MCC: variants seen among roughly 807,000 people sequenced by gnomAD.
MCC encodes the protein MCC regulator of Wnt signaling pathway.
A neutral mutation model predicts 116.2 loss-of-function variants in MCC; 90 were observed. That is an observed-to-expected ratio of 0.77 (90% CI 0.65 to 0.92). The LOEUF (loss-of-function observed/expected upper bound fraction) is 0.92, where lower values mean the gene tolerates loss of function less well. Ranked by LOEUF, MCC falls within the 40% of genes least tolerant of loss-of-function variation. The pLI, the probability that MCC is intolerant of heterozygous loss-of-function variation, is 0.00. For synonymous variants in MCC, 578 were observed against 510.5 expected (o/e 1.13, Z -1.78); for missense variants, 1,516 against 1,312.2 (o/e 1.16, Z -2.40).
chr5:113,294,583 G>T lies in MCC; in HGVS notation c.627+45936C>A, dbSNP rs973133598. ...AGAGCAGCCGTGGCTCGCGTTTCAC[G>T]GACGAGCCATTGCTGCAGGAGGCTC... On this transcript the variant is annotated intron_variant, in intron 3 of 18. Transcript: ENST00000408903. 4.8e-6 allele frequency: 6 copies of T among 1,255,292 alleles called. No individual in the cohort carries two copies. The East Asian group carries it at 1.3e-4, about 27-fold the overall frequency. 77.8% of individuals were successfully genotyped at this position (1,255,292 alleles called of 1,614,324 possible).
chr5:113,185,336 A>C (rs554745086), intron 3 of MCC, among the ~76,000 whole-genome samples: 27 of 152,262 alleles, frequency 1.8e-4, no homozygotes, highest in African/African-American at 4.8e-4. Flanking sequence ...ATGGACCTGA[A>C]AACTGCAAAC....
chr5:113,232,578 T>C (rs1763975804), intron 3 of MCC, among the ~76,000 whole-genome samples: 1 of 152,178 alleles, frequency 6.6e-6, no homozygotes, highest in Non-Finnish European at 1.5e-5. Context: ...ACATTAACTT[T>C]CAGATTCAGA....
chr5:113,420,363 A>G (rs183208172), intron 1 of MCC, among the ~76,000 whole-genome samples: 76 of 152,268 alleles, frequency 5.0e-4, no homozygotes, highest in Non-Finnish European at 1.5e-5. Context: ...CACTTGTAAA[A>G]ATTTCTGTTA....
At chr5:113,405,350 G>A (rs1769798414) in intron 1 of MCC, among the ~76,000 whole-genome samples, 1 of 152,212 alleles carries the variant, frequency 6.6e-6, no homozygotes, top group African/African-American at 2.4e-5. Flanking sequence ...TGTAATAAGA[G>A]CATCAGTATA....
chr5:113,275,461 TG>T (rs1426975802), intron 3 of MCC, among the ~76,000 whole-genome samples: 1 of 152,186 alleles, frequency 6.6e-6, no homozygotes, highest in African/African-American at 2.4e-5. Context: ...GTAGCAATTT[TG>T]GGCCAGAAAA....
intron 11 of MCC, among the ~76,000 whole-genome samples, chr5:113,082,273 C>G (rs1052308088): frequency 1.3e-5 from 2 of 152,230 alleles, no homozygotes; most frequent in Non-Finnish European, 2.9e-5. Flanking sequence ...CAAGACTGAG[C>G]ACATTTGCGA....
At chr5:113,482,804 C>T (rs1471539123) in intron 1 of MCC, among the ~76,000 whole-genome samples, 3 of 152,054 alleles carry the variant, frequency 2.0e-5, no homozygotes, top group African/African-American at 7.2e-5. Context: ...CTTTTGGTGT[C>T]ACATATAAGA....
chr5:113,441,228 A>G (rs910384262), intron 1 of MCC, among the ~76,000 whole-genome samples: 6 of 152,046 alleles, frequency 3.9e-5, no homozygotes, highest in Non-Finnish European at 5.9e-5. Context: ...CCAGCTACTC[A>G]GGAGGTTTAG....
chr5:113,409,502 C>G (rs935021222), intron 1 of MCC, among the ~76,000 whole-genome samples: 2 of 152,036 alleles, frequency 1.3e-5, no homozygotes, highest in African/African-American at 4.8e-5. Context: ...CACGTGTGCA[C>G]CAACACACCT....
chr5:113,052,126 A>AT (rs1239488642), intron 15 of MCC, among the ~76,000 whole-genome samples: 4 of 113,664 alleles, frequency 3.5e-5, no homozygotes, highest in Non-Finnish European at 8.3e-5. Flanking sequence ...GAGTATTAGA[A>AT]CTTTTATTCC....
intron 3 of MCC, among the ~76,000 whole-genome samples, chr5:113,187,669 G>C (rs1207182042): frequency 5.9e-5 from 9 of 151,374 alleles, no homozygotes; most frequent in Admixed American, 2.6e-4. Context: ...GCGAGAGAAT[G>C]GCGTGAACCC....
intron 1 of MCC, among the ~76,000 whole-genome samples, chr5:113,472,171 T>C (rs1382815940): frequency 6.6e-6 from 1 of 152,194 alleles, no homozygotes; most frequent in East Asian, 1.9e-4. Context: ...CTCACTGTCC[T>C]GCACCTACTG....
intron 3 of MCC, among the ~76,000 whole-genome samples, chr5:113,242,537 A>C (rs1308438329): frequency 6.7e-6 from 1 of 149,874 alleles, no homozygotes; most frequent in Non-Finnish European, 1.5e-5. Context: ...GTTAATTATT[A>C]GTTTTTTTTT....
rs116253840 is a variant in MCC, at chr5:113,086,939, G to C, written c.1399-1629C>G. Reference sequence around the variant, plus strand: ...ATGAAGCCCAAGATCTGCATGTCTAGTAAGCTCGCAAAAGATGCTGATGCT... The same window carrying C: ...ATGAAGCCCAAGATCTGCATGTCTACTAAGCTCGCAAAAGATGCTGATGCT... On this transcript the variant is annotated intron_variant, in intron 8 of 18. Transcript: ENST00000408903. 3.5e-3 allele frequency among the ~76,000 whole-genome samples: 539 copies of C among 152,324 alleles called. 4 individuals are homozygous for C. Among genetic ancestry groups the C allele is most frequent in the African/African-American group, 0.012 (517 of 41,556 alleles).
intron 3 of MCC, among the ~76,000 whole-genome samples, chr5:113,290,674 C>T (rs1227182896): frequency 1.3e-5 from 2 of 152,186 alleles, no homozygotes; most frequent in Non-Finnish European, 2.9e-5. Context: ...ATAGAGCTAA[C>T]TGCTGATCTA....
At chr5:113,136,536 T>C (rs1401399643) in intron 5 of MCC, among the ~76,000 whole-genome samples, 1 of 152,062 alleles carries the variant, frequency 6.6e-6, no homozygotes, top group Non-Finnish European at 1.5e-5. Context: ...TATTTATTTA[T>C]TTTTTACCTG....
At chr5:113,478,506 GC>G (rs1215077338) in intron 1 of MCC, among the ~76,000 whole-genome samples, 1 of 152,198 alleles carries the variant, frequency 6.6e-6, no homozygotes, top group Non-Finnish European at 1.5e-5. Flanking sequence ...CAAGGGAGTA[GC>G]CATTTACTGT....
intron 12 of MCC, among the ~76,000 whole-genome samples, chr5:113,068,474 T>C (rs1753782858): frequency 6.6e-6 from 1 of 152,202 alleles, no homozygotes; most frequent in Non-Finnish European, 1.5e-5. Context: ...GACCATGTGA[T>C]TCCCTTGTGG....
rs957592074 is a variant in MCC at position 113,348,505 on chromosome 5, T to C, written c.416-7775A>G. ...GAAAATAAGAAAGAAATGGATAAAT[T>C]TCTCAAAACAAATGATAATGGACAT... On this transcript the variant is annotated intron_variant, in intron 2 of 18. Coordinates refer to ENST00000408903, the MANE Select transcript of MCC (RefSeq NM_001085377.2). 1.6e-4 allele frequency among the ~76,000 whole-genome samples: 24 copies of C among 152,094 alleles called. No individual in the cohort carries two copies. The East Asian group carries it at 4.1e-3, about 26-fold the overall frequency.
Sources: allele counts gnomAD v4.1 joint callset (sites outside exome capture counted in the v4.1 genomes callset), GRCh38; gene constraint gnomAD v4.1.1; transcripts MANE v1.5; gene names NCBI Gene and HGNC (gene_info 2026-07-23, HGNC 2026-07-21).